The following SSB variants were observed in gnomAD, a reference collection of about 807,000 sequenced individuals.
SSB encodes the protein small RNA binding exonuclease protection factor La, also known as lupus La protein.
SSB carries 17 observed loss-of-function variants against 52.9 expected under a neutral mutation model. The observed-to-expected ratio is 0.32, with a 90% CI of 0.22 to 0.48. The LOEUF (loss-of-function observed/expected upper bound fraction) is 0.48. Among genes scored for constraint, SSB ranks in the 20% least tolerant of loss-of-function variants. The probability of loss-of-function intolerance (pLI) is 0.99; values close to 1 mark genes in which losing one functional copy is unlikely to be tolerated. For missense variants in SSB, 314 were observed against 463.6 expected (o/e 0.68, Z 2.96); for synonymous variants, 111 against 152.1 (o/e 0.73, Z 1.99).
chr2:169,809,774 G>A (rs1381384774), intron 8 of SSB, among the ~76,000 whole-genome samples: 10 of 151,174 alleles, frequency 6.6e-5, no homozygotes, highest in African/African-American at 1.9e-4. Flanking sequence ...CACCACGTCC[G>A]GCTAATTTTT....
intron 2 of SSB, among the ~76,000 whole-genome samples, chr2:169,803,102 TTC>T (rs373647220): frequency 3.3e-5 from 5 of 152,180 alleles, no homozygotes; most frequent in African/African-American, 1.2e-4. Flanking sequence ...GAATGGCTAG[TTC>T]TCTGTGTTCA....
At chr2:169,809,241 C>T (rs952355172) in intron 8 of SSB, among the ~76,000 whole-genome samples, 1 of 152,040 alleles carries the variant, frequency 6.6e-6, no homozygotes, top group Non-Finnish European at 1.5e-5. Flanking sequence ...ATTAGCCAGG[C>T]GTGGTGGTGC....
intron 4 of SSB, 93 bp downstream of exon 4, chr2:169,805,932 T>G: frequency 8.7e-7 from 1 of 1,155,130 alleles, no homozygotes; most frequent in Non-Finnish European, 1.3e-6. Flanking sequence ...GCCTCACTAA[T>G]TACTGTATGT....
In SSB at chr2:169,808,463, T is replaced by C; in HGVS notation, c.555-19T>C. Reference sequence around the variant, plus strand: ...ACTTTGTTCTCGTGAACTTAGCCTCTGTACTGTGTGTTCTTTAGGGACGAT... The same window carrying C: ...ACTTTGTTCTCGTGAACTTAGCCTCCGTACTGTGTGTTCTTTAGGGACGAT... On this transcript the variant is annotated intron_variant, in intron 6 of 11. Coordinates refer to ENST00000260956, the MANE Select transcript of SSB (RefSeq NM_003142.5). 6.2e-7 allele frequency: 1 copy of C among 1,606,420 alleles called. No individual in the cohort carries two copies. Among genetic ancestry groups the C allele is most frequent in the Non-Finnish European group, 8.5e-7 (1 of 1,173,402 alleles).
intron 2 of SSB, among the ~76,000 whole-genome samples, chr2:169,803,162 G>A (rs1689746736): frequency 6.6e-6 from 1 of 152,074 alleles, no homozygotes; most frequent in Admixed American, 6.5e-5. Context: ...TAGCCAGTTT[G>A]TTAGGTGAAA....
intron 4 of SSB, 140 bp from the exon 5 acceptor site, chr2:169,806,645 T>G (rs898914397): frequency 1.5e-6 from 1 of 646,852 alleles, no homozygotes; most frequent in South Asian, 2.2e-5. Flanking sequence ...AACAAGGCTG[T>G]TAAGTGATTA....
chr2:169,801,240 A>T lies in SSB; in HGVS notation c.66+214A>T, dbSNP rs547024808. On this transcript the variant is annotated intron_variant, in intron 2 of 11. Coordinates refer to ENST00000260956, the MANE Select transcript of SSB (RefSeq NM_003142.5). Reference sequence around the variant, plus strand: ...AAAGGTAACACTATAAACTAGAGTTACTTAATCTTTTTAAAATTTTAGTTT... The same window carrying T: ...AAAGGTAACACTATAAACTAGAGTTTCTTAATCTTTTTAAAATTTTAGTTT... Among the ~76,000 whole-genome samples the T allele has an allele frequency of 8.5e-5, 13 of 152,348 alleles. No homozygotes were observed. In the South Asian group the frequency reaches 2.7e-3, roughly 32 times the overall value.
chr2:169,799,165 G>C (rs891443129), intron 1 of SSB, 189 bp downstream of exon 1: 5 of 152,108 alleles, frequency 3.3e-5, no homozygotes, highest in African/African-American at 1.2e-4. Flanking sequence ...GCGGCGGCGA[G>C]GCTGCCCCCG....
chr2:169,806,418 CTTGATTGCAGTTTTCT>C (rs1263038134), intron 4 of SSB, among the ~76,000 whole-genome samples: 4 of 152,152 alleles, frequency 2.6e-5, no homozygotes, highest in African/African-American at 4.8e-5. Flanking sequence ...AGCAGCTAAA[CTTGATTGCAGTTTTCT>C]TTAGTGTATT....
chr2:169,800,831 G>T (rs927919359), intron 1 of SSB, 121 bp from the exon 2 acceptor site: 3 of 664,410 alleles, frequency 4.5e-6, no homozygotes, highest in African/African-American at 1.9e-5. Context: ...AACTGAACCC[G>T]TGAAAATAGA....
rs779003296 is a variant in SSB, at chr2:169,805,976, G to A, written c.345+137G>A. On this transcript the variant is annotated intron_variant, in intron 4 of 11. Coordinates refer to ENST00000260956, the MANE Select transcript of SSB (RefSeq NM_003142.5). ...AATATTCTTAACCTAAGTTTCTTTTGTTTTGTTTTGTTTTGAGACAGTCTC... is the reference window on the plus strand; with the variant it reads ...AATATTCTTAACCTAAGTTTCTTTTATTTTGTTTTGTTTTGAGACAGTCTC... 3.2e-6 allele frequency: 3 copies of A among 924,872 alleles called. No homozygotes were observed. The African/African-American group carries it at 5.0e-5, about 15-fold the overall frequency. The allele number at this position is 924,872 out of a possible 1,614,324, so 57.3% of individuals were successfully genotyped here.
At chr2:169,811,546 C>T in intron 11 of SSB, 122 bp from the exon 12 acceptor site, 2 of 1,398,906 alleles carry the variant, frequency 1.4e-6, no homozygotes, top group Non-Finnish European at 1.9e-6. Flanking sequence ...AAAGCCTTTT[C>T]TCATTGGTGC....
chr2:169,801,116 A>G (rs1183551783), intron 2 of SSB, 90 bp downstream of exon 2: 3 of 1,091,878 alleles, frequency 2.7e-6, no homozygotes, highest in South Asian at 3.5e-5. Flanking sequence ...GACATATTCA[A>G]CATTTGGTTT....
intron 1 of SSB, chr2:169,799,343 TC>T (rs1325493018): frequency 1.1e-4 from 16 of 145,562 alleles, no homozygotes; most frequent in African/African-American, 3.8e-4. Flanking sequence ...TGTGGCCATC[TC>T]TGTAAAGTTT....
rs1558973669 is a variant in SSB at position 169,811,284 on chromosome 2, G to C, written c.1099G>C (p.Asp367His). The C allele has an allele frequency of 6.2e-7, 1 of 1,608,912 alleles. No homozygotes were observed. The highest frequency in any genetic ancestry group is 1.3e-5 in the African/African-American group (1 of 74,622). The change falls in exon 11 of 12, where the codon GAT (aspartate) becomes CAT (histidine). Residue 367 changes from aspartate to histidine, a missense_variant. Transcript: ENST00000260956. ...GGGCAAGAAAACGAAATTTGCTAGT[G>C]ATGATGAACATGATGAACATGATGA... ...FQGKKTKFAS[D>H]DEHDEHDENG...
chr2:169,800,996 C>T lies in SSB; in HGVS notation c.36C>T (p.Ala12=), dbSNP rs1306439751. 1.9e-6 allele frequency: 3 copies of T among 1,597,032 alleles called. No homozygotes were observed. Among genetic ancestry groups the T allele is most frequent in the Non-Finnish European group, 2.6e-6 (3 of 1,173,190 alleles). The change falls in exon 2 of 12, where the codon GCC becomes GCT. Residue 12 remains alanine (A), a synonymous_variant. Coordinates refer to ENST00000260956, the MANE Select transcript of SSB (RefSeq NM_003142.5). ...ATGGTGATAATGAAAAGATGGCTGC[C>T]CTGGAGGCCAAAATCTGTCATCAAA... ...AENGDNEKMA[A]LEAKICHQIE...
chr2:169,811,253 G>C lies in SSB; in HGVS notation c.1068G>C (p.Gln356His). The C allele has an allele frequency of 6.8e-6, 11 of 1,610,548 alleles. No homozygotes were observed. Among genetic ancestry groups the C allele is most frequent in the Non-Finnish European group, 9.3e-6 (11 of 1,179,326 alleles). ...AQPGSGKGKV[Q>H]FQGKKTKFAS... ...CTGGGTCTGGTAAAGGAAAAGTACA[G>C]TTTCAGGGCAAGAAAACGAAATTTG... The change falls in exon 11 of 12, where the codon CAG (glutamine) becomes CAC (histidine). Residue 356 changes from glutamine to histidine, a missense_variant. Physicochemically the swap from Gln to His is conservative, Grantham distance 24. Coordinates refer to ENST00000260956, the MANE Select transcript of SSB (RefSeq NM_003142.5).
In SSB at chr2:169,806,857, A is replaced by G; in HGVS notation, c.418A>G (p.Ile140Val). ...WLEDKGQVLN[I>V]QMRRTLHKAF... Reference sequence around the variant, plus strand: ...AGAAGATAAAGGTCAAGTACTAAATATTCAGATGAGAAGAACATTGCATAA... The same window carrying G: ...AGAAGATAAAGGTCAAGTACTAAATGTTCAGATGAGAAGAACATTGCATAA... Residue 140 changes from isoleucine (I) to valine (V), a missense_variant, in exon 5 of 12, where the codon ATT becomes GTT. Physicochemically the swap from Ile to Val is conservative, Grantham distance 29. Coordinates refer to ENST00000260956, the MANE Select transcript of SSB (RefSeq NM_003142.5). 6.2e-7 allele frequency: 1 copy of G among 1,613,422 alleles called. No individual in the cohort carries two copies. Among genetic ancestry groups the G allele is most frequent in the Non-Finnish European group, 8.5e-7 (1 of 1,179,744 alleles).
rs55750138 is a variant in SSB, at chr2:169,799,278, CTT to C, written c.-10+323_-10+324del. The C allele has an allele frequency of 4.0e-3, 410 of 103,346 alleles. 2 individuals carry two copies. The highest frequency in any genetic ancestry group is 7.2e-3 in the African/African-American group (191 of 26,626). 6.4% of individuals were successfully genotyped at this position (103,346 alleles called of 1,614,324 possible). A position where few individuals can be genotyped will look rare whatever the true frequency, so the allele number is the denominator to read the frequency against. ...GTGGCTGCCCTCATCCCCATTGCGT[CTT>C]TTTTTTTTTTTTTTTTTTTTACCTC... is the stretch of plus-strand genomic sequence containing the variant. On this transcript the variant is annotated intron_variant, in intron 1 of 11. Transcript: ENST00000260956.
Sources: allele counts gnomAD v4.1 joint callset (sites outside exome capture counted in the v4.1 genomes callset), GRCh38; gene constraint gnomAD v4.1.1; transcripts MANE v1.5; gene names NCBI Gene and HGNC (gene_info 2026-07-23, HGNC 2026-07-21).